The following TEX14 variants were observed in gnomAD, a reference collection of about 807,000 sequenced individuals.
TEX14 encodes the protein inactive serine/threonine-protein kinase TEX14.
Under a neutral mutation model 178.6 loss-of-function variants are expected in TEX14, and 168 were observed. That is an observed-to-expected ratio of 0.94 (90% confidence interval 0.83 to 1.07). The LOEUF is 1.07. TEX14 is among the 50% of genes least tolerant of loss of function. TEX14 has a pLI of 0.00. For missense variants in TEX14, 1,730 were observed against 1,753.6 expected, an observed-to-expected ratio of 0.99 and a Z score of 0.24; for synonymous variants, 626 against 634.1, an observed-to-expected ratio of 0.99 and a Z score of 0.19.
intron 2 of TEX14, among the ~76,000 whole-genome samples, chr17:58,630,777 G>A (rs1480552260): frequency 1.3e-5 from 2 of 152,142 alleles, no homozygotes; most frequent in African/African-American, 4.8e-5. Context: ...AAGTTGCATT[G>A]AAGCATTTAG....
Position 58,601,843 on chromosome 17 carries a change from C to T in TEX14, c.1641G>A (p.Glu547=), listed in dbSNP as rs756338669. 17 of 1,613,076 alleles carry T rather than the reference C, an allele frequency of 1.1e-5. No homozygotes were observed. The Admixed American group carries it at 2.8e-4, about 27-fold the overall frequency. ...YLGLTSEHPR[E]TPDMEIIELK... is the part of the protein sequence containing the mutation. ...GTTCTATGATTTCCATGTCAGGTGT[C>T]TCTCTGGGGTGTTCTGAAGTCAGTC... is the stretch of plus-strand genomic sequence containing the variant. The change falls in exon 13 of 32, where the codon GAG becomes GAA. Residue 547 remains glutamate, a synonymous_variant. Transcript: ENST00000349033.
intron 2 of TEX14, among the ~76,000 whole-genome samples, chr17:58,639,616 C>A (rs2046526700): frequency 6.6e-6 from 1 of 152,094 alleles, no homozygotes; most frequent in South Asian, 2.1e-4. Flanking sequence ...AGGAGAATCG[C>A]TTGAACCCGG....
chr17:58,596,336 C>T (rs2045280458), intron 14 of TEX14, among the ~76,000 whole-genome samples: 1 of 152,118 alleles, frequency 6.6e-6, no homozygotes, highest in African/African-American at 2.4e-5. Context: ...TGCTAGAGTG[C>T]TGTCACATGA....
In TEX14 at chr17:58,621,711, T is replaced by G; in HGVS notation, c.493A>C (p.Lys165Gln). 6.2e-7 allele frequency: 1 copy of G among 1,614,190 alleles called. No homozygotes were observed. The highest frequency in any genetic ancestry group is 8.5e-7 in the Non-Finnish European group (1 of 1,180,030). ...ACAAGCCGCTGCGGGGAGTCTATCTTCTTCAGGAGGTCGTAAGAGAAGCCC... is the reference window on the plus strand; with the variant it reads ...ACAAGCCGCTGCGGGGAGTCTATCTGCTTCAGGAGGTCGTAAGAGAAGCCC... ...IQGFSYDLLK[K>Q]IDSPQRLVYS... is the part of the protein sequence containing the mutation. Residue 165 changes from lysine (K) to glutamine (Q), a missense_variant, in exon 5 of 32, where the codon AAG becomes CAG. Lys to Gln is a moderately conservative substitution (Grantham distance 53, BLOSUM62 1). Coordinates refer to ENST00000349033, the MANE Select transcript of TEX14 (RefSeq NM_031272.5).
chr17:58,613,532 G>C lies in TEX14; in HGVS notation c.894C>G (p.His298Gln). 6.2e-7 allele frequency: 1 copy of C among 1,613,910 alleles called. No individual in the cohort carries two copies. Among genetic ancestry groups the C allele is most frequent in the Non-Finnish European group, 8.5e-7 (1 of 1,179,950 alleles). Residue 298 changes from histidine (H) to glutamine (Q), a missense_variant, in exon 9 of 32, where the codon CAC becomes CAG. Physicochemically the swap from His to Gln is conservative, Grantham distance 24. Around this residue, in one of 2 missense-constraint regions of TEX14, gnomAD observed 789 missense variants for 681.2 expected, o/e 1.16. Transcript: ENST00000349033. The part of the protein sequence containing the change: ...AEQEHSSKLR[H>Q]PYLLQLMAVC... The stretch of plus-strand genomic sequence containing the variant: ...CAGCCATCAACTGTAGCAAGTAGGG[G>C]TGCCGCAGCTTGCTGCAAAAGAAAA...
intron 1 of TEX14, among the ~76,000 whole-genome samples, chr17:58,664,482 A>G (rs2047173928): frequency 6.6e-6 from 1 of 152,238 alleles, no homozygotes; most frequent in African/African-American, 2.4e-5. Flanking sequence ...CATGTAGCAC[A>G]TACTTCTCAT....
intron 3 of TEX14, among the ~76,000 whole-genome samples, chr17:58,626,389 A>C (rs926541499): frequency 2.6e-4 from 40 of 151,438 alleles, no homozygotes; most frequent in Non-Finnish European, 4.6e-4. Flanking sequence ...AACATGGTGA[A>C]ACCCCGTCTC....
At chr17:58,656,597 T>G (rs2046967644) in intron 1 of TEX14, among the ~76,000 whole-genome samples, 1 of 151,088 alleles carries the variant, frequency 6.6e-6, no homozygotes, top group South Asian at 2.1e-4. Flanking sequence ...CTACTAAAAC[T>G]ACAAAAATTA....
intron 1 of TEX14, among the ~76,000 whole-genome samples, chr17:58,658,745 A>G (rs1252576301): frequency 6.6e-6 from 1 of 152,122 alleles, no homozygotes; most frequent in African/African-American, 2.4e-5. Flanking sequence ...ATCTGCACAG[A>G]AAAACTGAAC....
At chr17:58,690,225 T>TA (rs1249096484) in intron 1 of TEX14, among the ~76,000 whole-genome samples, 2 of 151,344 alleles carry the variant, frequency 1.3e-5, no homozygotes, top group African/African-American at 4.9e-5. Flanking sequence ...GGAGTGGAGT[T>TA]ACGCAATCTC....
rs2044467117 is a variant in TEX14, at chr17:58,569,192, C to G, written c.3886G>C (p.Glu1296Gln). 6 of 1,612,988 alleles carry G rather than the reference C, an allele frequency of 3.7e-6. No individual in the cohort carries two copies. The highest frequency in any genetic ancestry group is 5.1e-6 in the Non-Finnish European group (6 of 1,179,000). ...ATATTCTGTATTGAACATCTCTTAC[C>G]AATGTCATCAAGTAGCTCCTGAGAT... ...PPSQELLDDI[E>Q]LLKQQQGSST... Residue 1296 changes from glutamate (E) to glutamine (Q), a missense_variant and splice_region_variant, in exon 26 of 32, where the codon GAG becomes CAG. Physicochemically the swap from Glu to Gln is conservative, Grantham distance 29. This residue lies in a region of TEX14 where 941 missense variants were observed against 1,072.4 expected (regional missense o/e 0.88). Coordinates refer to ENST00000349033, the MANE Select transcript of TEX14 (RefSeq NM_031272.5). The surrounding 1 kb of genome is among the most constrained non-coding windows in gnomAD (Gnocchi z 4.1).
rs113412471 is a variant in TEX14 at position 58,581,813 on chromosome 17, G to A, written c.3172-2082C>T. On this transcript the variant is annotated intron_variant, in intron 19 of 31. Coordinates refer to ENST00000349033, the MANE Select transcript of TEX14 (RefSeq NM_031272.5). ...TATAGTTGGATGCAGTGTTAACAAC[G>A]GGGTTATCTAACACTACCCAGCAGT... 3.2e-3 allele frequency: 4,686 copies of A among 1,485,970 alleles called. 109 individuals are homozygous for A. In the African/African-American group the frequency reaches 0.056, roughly 18 times the overall value. The allele number at this position is 1,485,970 out of a possible 1,614,324, so 92.0% of individuals were successfully genotyped here. A position where few individuals can be genotyped will look rare whatever the true frequency, so the allele number is the denominator to read the frequency against.
intron 10 of TEX14, among the ~76,000 whole-genome samples, chr17:58,609,546 A>G (rs893458490): frequency 4.0e-4 from 61 of 152,050 alleles, no homozygotes; most frequent in African/African-American, 1.4e-3. Context: ...CCCAGCCTAG[A>G]GGAAGGATCT....
chr17:58,611,863 C>A (rs1427235059), intron 9 of TEX14, among the ~76,000 whole-genome samples: 2 of 152,110 alleles, frequency 1.3e-5, no homozygotes, highest in African/African-American at 4.8e-5. Context: ...GTCTCTCCCC[C>A]AGAGAAATGG....
intron 29 of TEX14, among the ~76,000 whole-genome samples, chr17:58,560,253 T>C (rs141785963): frequency 1.3e-5 from 2 of 152,180 alleles, no homozygotes; most frequent in African/African-American, 2.4e-5. Context: ...ATTTGGTGGA[T>C]AGTCAAAACA....
intron 2 of TEX14, among the ~76,000 whole-genome samples, chr17:58,633,460 T>C (rs772989362): frequency 3.9e-5 from 6 of 152,128 alleles, no homozygotes; most frequent in Admixed American, 2.0e-4. Context: ...TTGTAAGCCA[T>C]AGGGGAAAAT....
chr17:58,571,862 G>C, intron 24 of TEX14, 59 bp downstream of exon 24: 1 of 1,467,928 alleles, frequency 6.8e-7, no homozygotes, highest in Non-Finnish European at 9.5e-7. Context: ...TGGCAGTTTG[G>C]GTCACTGGGC....
chr17:58,658,432 C>T (rs1381938795), intron 1 of TEX14, among the ~76,000 whole-genome samples: 6 of 146,592 alleles, frequency 4.1e-5, no homozygotes, highest in South Asian at 2.2e-4. Context: ...CTGTGTCACC[C>T]GGGCTAGAGT....
In TEX14 at chr17:58,565,016, G is replaced by A. The variant is rs536001984; in HGVS notation, c.3965-48C>T. 13 of 1,269,882 alleles carry A rather than the reference G, an allele frequency of 1.0e-5. No homozygotes were observed. The Admixed American group carries it at 2.2e-4, about 22-fold the overall frequency. 78.7% of individuals were successfully genotyped at this position (1,269,882 alleles called of 1,614,324 possible). On this transcript the variant is annotated intron_variant, in intron 27 of 31. Transcript: ENST00000349033. ...ACTTTATTAGAACGAAAAAAAAATT[G>A]AGAAAGCTTGCCTTAAAATAGAGTG...
Sources: gnomAD v4.1 joint callset for allele counts (sites outside exome capture counted in the v4.1 genomes callset) on GRCh38, gnomAD v4.1.1 for gene constraint, gnomAD v4.1.1 regional missense constraint, Gnocchi (gnomAD v3.1) non-coding constraint, MANE v1.5 for transcripts, NCBI Gene and HGNC (gene_info 2026-07-23, HGNC 2026-07-21) for gene names.